Variants in AFF4 observed in about 807,000 individuals in gnomAD.
AFF4 encodes AF4/FMR2 family member 4.
Under a neutral mutation model 124.8 loss-of-function variants are expected in AFF4, and 13 were observed. The ratio of observed to expected loss-of-function variants is 0.10; its 90% CI spans 0.07 to 0.17. AFF4 has a LOEUF of 0.17. AFF4 is among the 10% of genes least tolerant of loss of function. The pLI is 1.00. For missense variants in AFF4, 1,092 were observed against 1,403.8 expected (o/e 0.78, Z 3.55); for synonymous variants, 477 against 496.1 (o/e 0.96, Z 0.51).
At chr5:132,941,811 G>A (rs1474278061) in intron 1 of AFF4, among the ~76,000 whole-genome samples, 3 of 151,916 alleles carry the variant, frequency 2.0e-5, no homozygotes, top group African/African-American at 7.2e-5. Flanking sequence ...CATTTGAGAT[G>A]AGCCTGGCCA....
At chr5:132,926,674 CCACGGGCCTGTGCCA>C (rs1250568739) in intron 5 of AFF4, 1 of 150,694 alleles carries the variant, frequency 6.6e-6, no homozygotes, top group Non-Finnish European at 1.4e-5. Context: ...GTAACTGGGA[CCACGGGCCTGTGCCA>C]CTATGCCAAG....
chr5:132,892,126 G>A (rs1045337580), intron 13 of AFF4, 38 bp downstream of exon 13: 7 of 1,613,908 alleles, frequency 4.3e-6, no homozygotes, highest in African/African-American at 1.3e-5. Flanking sequence ...ATGGCAAGTT[G>A]AATGATTTTC....
intron 1 of AFF4, chr5:132,945,337 TGAGA>T (rs1761672865): frequency 6.6e-6 from 1 of 152,242 alleles, no homozygotes; most frequent in Admixed American, 6.5e-5. Flanking sequence ...CAAAGTTTAA[TGAGA>T]GGCTGGTTCG....
chr5:132,885,032 T>G, intron 19 of AFF4, 44 bp downstream of exon 19: 1 of 1,501,458 alleles, frequency 6.7e-7, no homozygotes, highest in Non-Finnish European at 9.1e-7. Flanking sequence ...CTCATTTCAC[T>G]TTTATTGCCA....
intron 1 of AFF4, among the ~76,000 whole-genome samples, chr5:132,961,984 A>T (rs1308340869): frequency 6.6e-6 from 1 of 152,184 alleles, no homozygotes; most frequent in Non-Finnish European, 1.5e-5. Context: ...TAATAAGGAA[A>T]ACGAATCTGA....
At chr5:132,944,293 T>TTGCAGTGAGCCGAGAGCGC (rs1253464203) in intron 1 of AFF4, among the ~76,000 whole-genome samples, 1 of 151,158 alleles carries the variant, frequency 6.6e-6, no homozygotes, top group South Asian at 2.1e-4. Flanking sequence ...GCCGAGATCG[T>TTGCAGTGAGCCGAGAGCGC]GCCGCTGCAC....
chr5:132,892,952 G>T, intron 12 of AFF4, 78 bp downstream of exon 12: 2 of 1,339,706 alleles, frequency 1.5e-6, no homozygotes, highest in Non-Finnish European at 2.1e-6. Context: ...AACACTCAGA[G>T]CATGTCAGAA....
intron 1 of AFF4, among the ~76,000 whole-genome samples, chr5:132,958,212 C>T (rs906786129): frequency 2.6e-5 from 4 of 151,968 alleles, no homozygotes; most frequent in Non-Finnish European, 4.4e-5. Context: ...TGATGTTACT[C>T]AGCAGGCTAT....
intron 1 of AFF4, among the ~76,000 whole-genome samples, chr5:132,962,126 G>A (rs1198111846): frequency 2.0e-5 from 3 of 152,166 alleles, no homozygotes; most frequent in Non-Finnish European, 4.4e-5. Flanking sequence ...CCCAAATTAA[G>A]AAAGTTCTCA....
chr5:132,896,148 A>G (rs1267295603), intron 11 of AFF4, among the ~76,000 whole-genome samples, 175 bp downstream of exon 11: 1 of 152,266 alleles, frequency 6.6e-6, no homozygotes, highest in Non-Finnish European at 1.5e-5. Flanking sequence ...ACACAGGCAG[A>G]AGCACAGAAA....
chr5:132,902,822 G>A (rs1301545054), intron 6 of AFF4, among the ~76,000 whole-genome samples: 5 of 152,096 alleles, frequency 3.3e-5, no homozygotes, highest in Non-Finnish European at 7.3e-5. Flanking sequence ...AGGAATACAC[G>A]AACACACAAG....
At chr5:132,906,500 AAT>A (rs1416776479) in intron 5 of AFF4, among the ~76,000 whole-genome samples, 2 of 152,208 alleles carry the variant, frequency 1.3e-5, no homozygotes, top group Admixed American at 6.6e-5. Context: ...TAAGTGAAAG[AAT>A]ATAGTCACAA....
intron 5 of AFF4, among the ~76,000 whole-genome samples, chr5:132,920,929 C>A (rs1255771018): frequency 6.6e-6 from 1 of 151,950 alleles, no homozygotes; most frequent in Admixed American, 6.6e-5. Flanking sequence ...AGATCGAGAC[C>A]ATCCTGACTA....
chr5:132,925,875 C>A (rs914876751), intron 5 of AFF4, among the ~76,000 whole-genome samples: 1 of 152,186 alleles, frequency 6.6e-6, no homozygotes, highest in Non-Finnish European at 1.5e-5. Context: ...TCTCAACACT[C>A]AGCAATTCTA....
chr5:132,896,373 G>C lies in AFF4; in HGVS notation c.2257C>G (p.Gln753Glu), dbSNP rs762711547. 15 of 1,608,168 alleles carry C rather than the reference G, an allele frequency of 9.3e-6. 1 individual carries two copies. In the South Asian group the frequency reaches 1.3e-4, roughly 14 times the overall value. Residue 753 changes from glutamine to glutamate, a missense_variant, in exon 11 of 21, where the codon CAG becomes GAG. By Grantham distance (29) the Gln-to-Glu change is conservative. Around this residue, in one of 11 missense-constraint regions of AFF4, gnomAD observed 293 missense variants for 280.2 expected, o/e 1.05. Transcript: ENST00000265343. ...GAAACTTTTTCTGAGGCTTGTTTCT[G>C]AGCCTCTCTCGTGTGCTTTTCTGGC... Reference protein sequence around the residue: ...NVPEKHTREAQKQASEKVSNK... With the variant: ...NVPEKHTREAEKQASEKVSNK...
In AFF4 at chr5:132,922,247, G is replaced by A. The variant is rs117867145; in HGVS notation, c.1050+4874C>T. ...AGCCTGAGCAATGTGGCAAAACCTCGTCTCTACAAAAAAATACAAAAATCA... is the reference window on the plus strand; with the variant it reads ...AGCCTGAGCAATGTGGCAAAACCTCATCTCTACAAAAAAATACAAAAATCA... On this transcript the variant is annotated intron_variant, in intron 5 of 20. Coordinates refer to ENST00000265343, the MANE Select transcript of AFF4 (RefSeq NM_014423.4). Among the ~76,000 whole-genome samples the A allele has an allele frequency of 7.3e-3, 1,115 of 152,052 alleles. 41 individuals are homozygous for A. The highest frequency in any genetic ancestry group is 0.065 in the Admixed American group (994 of 15,260).
At chr5:132,888,946 TG>T in intron 14 of AFF4, 132 bp downstream of exon 14, 1 of 738,642 alleles carries the variant, frequency 1.4e-6, no homozygotes, top group Non-Finnish European at 2.3e-6. Flanking sequence ...TCTGCCTGCC[TG>T]GGCCTCCAAA....
intron 1 of AFF4, chr5:132,945,602 A>G (rs879377065): frequency 3.3e-5 from 5 of 151,972 alleles, no homozygotes; most frequent in Non-Finnish European, 5.9e-5. Flanking sequence ...AAATACAAAA[A>G]TTAGCTGGGC....
chr5:132,935,001 A>G (rs1761393065), intron 2 of AFF4, 60 bp from the exon 3 acceptor site: 1 of 1,338,542 alleles, frequency 7.5e-7, no homozygotes, highest in Non-Finnish European at 9.9e-7. Context: ...ATAAAATATA[A>G]TTCTGAACTA....
Sources: allele counts gnomAD v4.1 joint callset (sites outside exome capture counted in the v4.1 genomes callset), GRCh38; gene constraint gnomAD v4.1.1; regional missense constraint gnomAD v4.1.1; transcripts MANE v1.5; gene names NCBI Gene and HGNC (gene_info 2026-07-23, HGNC 2026-07-21).